Variants in DNAJB6 observed in about 807,000 individuals in gnomAD.
DNAJB6 encodes DnaJ heat shock protein family (Hsp40) member B6, also known as dnaJ homolog subfamily B member 6.
Under a neutral mutation model 42.7 loss-of-function variants are expected in DNAJB6, and 16 were observed. The observed-to-expected ratio is 0.37, with a 90% confidence interval of 0.25 to 0.57. The LOEUF (loss-of-function observed/expected upper bound fraction) is 0.57. Ranked by LOEUF, DNAJB6 falls within the 20% of genes least tolerant of loss-of-function variation. The pLI, the probability that DNAJB6 is intolerant of heterozygous loss-of-function variation, is 0.74. For missense variants in DNAJB6, 347 were observed against 416.8 expected, an observed-to-expected ratio of 0.83 and a Z score of 1.46; for synonymous variants, 170 against 163.5, an observed-to-expected ratio of 1.04 and a Z score of -0.30.
chr7:157,394,710 A>G (rs1801500682), intron 8 of DNAJB6, among the ~76,000 whole-genome samples: 2 of 152,158 alleles, frequency 1.3e-5, no homozygotes, highest in African/African-American at 4.8e-5. Context: ...TCATGAGTAC[A>G]TTTGTTAAGG....
rs886062131 is a variant in DNAJB6, at chr7:157,416,387, C to T, written c.*289C>T. The T allele has an allele frequency of 2.5e-5, 10 of 402,834 alleles. No individual in the cohort carries two copies. Among genetic ancestry groups the T allele is most frequent in the East Asian group, 4.3e-5 (1 of 23,144 alleles). The allele number at this position is 402,834 out of a possible 1,614,324, so 25.0% of individuals were successfully genotyped here. On this transcript the variant is annotated 3_prime_UTR_variant, in exon 10 of 10. Coordinates refer to ENST00000262177, the MANE Select transcript of DNAJB6 (RefSeq NM_058246.4). ...GCTTCCGGATCCTCTTCATTCTTTT[C>T]GGCTACTCAACCACTCCGCATGCTG...
intron 1 of DNAJB6, among the ~76,000 whole-genome samples, chr7:157,347,272 C>G (rs1798736272): frequency 6.6e-6 from 1 of 152,198 alleles, no homozygotes; most frequent in South Asian, 2.1e-4. Context: ...ATTTCAAGTA[C>G]TGGTGAGAGA....
At chr7:157,404,916 G>A (rs1795705732) in intron 8 of DNAJB6, among the ~76,000 whole-genome samples, 1 of 152,224 alleles carries the variant, frequency 6.6e-6, no homozygotes, top group African/African-American at 2.4e-5. Context: ...TGGGATGACA[G>A]GTGTGAGCCA....
rs531276706 is a variant in DNAJB6, at chr7:157,382,991, T to C, written c.478+614T>C. Among the ~76,000 whole-genome samples, 4 of 148,562 alleles carry C rather than the reference T, an allele frequency of 2.7e-5. No individual in the cohort carries two copies. In the South Asian group the frequency reaches 8.6e-4, roughly 32 times the overall value. On this transcript the variant is annotated intron_variant, in intron 6 of 9. Transcript: ENST00000262177. ...ATCCAGTTTCTCTTCACAAAGGAGCTTTTTTTTTTGTTGTGTTTTGTTTTT... is the reference window on the plus strand; with the variant it reads ...ATCCAGTTTCTCTTCACAAAGGAGCCTTTTTTTTTGTTGTGTTTTGTTTTT...
chr7:157,364,939 A>G (rs1451974820), intron 3 of DNAJB6, among the ~76,000 whole-genome samples: 1 of 152,196 alleles, frequency 6.6e-6, no homozygotes, highest in African/African-American at 2.4e-5. Context: ...ATTTTGTGGA[A>G]TGTGAGATTT....
At chr7:157,351,259 GT>G (rs1401101439) in intron 1 of DNAJB6, among the ~76,000 whole-genome samples, 2 of 152,184 alleles carry the variant, frequency 1.3e-5, no homozygotes, top group Non-Finnish European at 2.9e-5. Context: ...TGAAAAGAAT[GT>G]TAAAGGTCAA....
At chr7:157,340,354 A>G (rs1204564970) in intron 1 of DNAJB6, among the ~76,000 whole-genome samples, 2 of 152,198 alleles carry the variant, frequency 1.3e-5, no homozygotes, top group African/African-American at 4.8e-5. Context: ...GATCAGTGGC[A>G]GGATTTAGCA....
chr7:157,380,102 C>G (rs1023641058), intron 5 of DNAJB6: 3 of 152,192 alleles, frequency 2.0e-5, no homozygotes. Context: ...CTGTGAGCCA[C>G]TGCACCCTCC....
chr7:157,413,251 C>T (rs1796025520), intron 9 of DNAJB6: 1 of 152,070 alleles, frequency 6.6e-6, no homozygotes, highest in Non-Finnish European at 1.5e-5. Flanking sequence ...GTATCAAGAA[C>T]ACGTAACTGT....
intron 8 of DNAJB6, among the ~76,000 whole-genome samples, chr7:157,391,902 A>G (rs187913526): frequency 2.4e-4 from 36 of 152,142 alleles, no homozygotes; most frequent in African/African-American, 8.4e-4. Flanking sequence ...CAGGAGTTCA[A>G]GACCAGCCTG....
chr7:157,340,992 G>A (rs1798336010), intron 1 of DNAJB6, among the ~76,000 whole-genome samples: 2 of 123,914 alleles, frequency 1.6e-5, no homozygotes. Context: ...GTGTGTGTGT[G>A]TGTGTGCGCG....
chr7:157,401,856 C>T (rs1260862058), intron 8 of DNAJB6, among the ~76,000 whole-genome samples: 1 of 152,236 alleles, frequency 6.6e-6, no homozygotes, highest in African/African-American at 2.4e-5. Flanking sequence ...CTTCCCAGAC[C>T]TGTTCAGTTT....
At chr7:157,394,882 T>G (rs1801509505) in intron 8 of DNAJB6, among the ~76,000 whole-genome samples, 1 of 152,140 alleles carries the variant, frequency 6.6e-6, no homozygotes, top group Non-Finnish European at 1.5e-5. Flanking sequence ...GGCGGGTGGA[T>G]TGCTTGAGCC....
intron 8 of DNAJB6, among the ~76,000 whole-genome samples, chr7:157,397,432 C>G (rs890618324): frequency 6.6e-6 from 1 of 152,224 alleles, no homozygotes; most frequent in Admixed American, 6.5e-5. Flanking sequence ...TCAGCTCTGA[C>G]ATGAGTGGGG....
rs1273772523 is a variant in DNAJB6, at chr7:157,367,308, C to G, written c.236-65C>G. On this transcript the variant is annotated intron_variant, in intron 4 of 9. Transcript: ENST00000262177. The stretch of plus-strand genomic sequence containing the variant: ...CATGATTTGTATAATGTTTTGTCAA[C>G]AAAGAATTCTTTGCCTACAAAGCAC... The G allele has an allele frequency of 2.9e-5, 31 of 1,066,284 alleles. No individual in the cohort carries two copies. In the East Asian group the frequency reaches 6.7e-4, roughly 23 times the overall value. 66.1% of individuals were successfully genotyped at this position (1,066,284 alleles called of 1,614,324 possible).
intron 1 of DNAJB6, among the ~76,000 whole-genome samples, chr7:157,353,740 G>A (rs1319049257): frequency 6.6e-6 from 1 of 152,070 alleles, no homozygotes; most frequent in East Asian, 1.9e-4. Context: ...ACTCACTGTA[G>A]CCTTGACAAC....
intron 2 of DNAJB6, 47 bp downstream of exon 2, chr7:157,358,684 T>C: frequency 6.9e-7 from 1 of 1,453,446 alleles, no homozygotes; most frequent in Non-Finnish European, 9.7e-7. Context: ...AGTGGTACAT[T>C]GGTAATTGAG....
chr7:157,345,437 C>A (rs903835731), intron 1 of DNAJB6, among the ~76,000 whole-genome samples: 2 of 152,114 alleles, frequency 1.3e-5, no homozygotes, highest in African/African-American at 4.8e-5. Context: ...ATTTCAGCCT[C>A]CTGCATAGCT....
At chr7:157,387,497 G>A (rs929423713) in intron 8 of DNAJB6, among the ~76,000 whole-genome samples, 11 of 152,194 alleles carry the variant, frequency 7.2e-5, no homozygotes, top group Non-Finnish European at 1.3e-4. Context: ...TAGATACTTG[G>A]ACTAAGGCGT....
Sources: allele counts gnomAD v4.1 joint callset (sites outside exome capture counted in the v4.1 genomes callset), GRCh38; gene constraint gnomAD v4.1.1; transcripts MANE v1.5; gene names NCBI Gene and HGNC (gene_info 2026-07-23, HGNC 2026-07-21).